Variants in MCM3AP observed in about 807,000 individuals in gnomAD.
MCM3AP encodes germinal-center associated nuclear protein.
Under a neutral mutation model 184.1 loss-of-function variants are expected in MCM3AP, and 126 were observed. The ratio of observed to expected loss-of-function variants is 0.68; its 90% CI spans 0.59 to 0.79. The LOEUF (loss-of-function observed/expected upper bound fraction) is 0.79, where lower values mean the gene tolerates loss of function less well. MCM3AP is among the 30% of genes least tolerant of loss of function. MCM3AP has a pLI of 0.00. For synonymous variants in MCM3AP, 1,002 were observed against 979.3 expected (o/e 1.02, Z -0.43); for missense variants, 2,496 against 2,479.2 (o/e 1.01, Z -0.14).
At chr21:46,267,229 C>G in intron 9 of MCM3AP, 87 bp from the exon 10 acceptor site, 1 of 1,327,950 alleles carries the variant, frequency 7.5e-7, no homozygotes, top group Admixed American at 2.0e-5. Context: ...CCATGGCCAG[C>G]GTGGGGCACA....
chr21:46,236,592 T>C (rs1214490953), intron 27 of MCM3AP, among the ~76,000 whole-genome samples: 2 of 152,220 alleles, frequency 1.3e-5, no homozygotes, highest in Admixed American at 6.5e-5. Flanking sequence ...ACAGGTCTTA[T>C]TCAGTTCTTA....
At chr21:46,256,095 C>A (rs2080944996) in intron 17 of MCM3AP, among the ~76,000 whole-genome samples, 1 of 152,206 alleles carries the variant, frequency 6.6e-6, no homozygotes, top group African/African-American at 2.4e-5. Flanking sequence ...GCCTGCTAGG[C>A]CCTCCAGGCT....
At chr21:46,247,698 A>G (rs540336206) in intron 20 of MCM3AP, 1 of 152,342 alleles carries the variant, frequency 6.6e-6, no homozygotes, top group East Asian at 1.9e-4. Context: ...ATGAGAATAA[A>G]TGCAACAGAA....
chr21:46,266,020 G>A lies in MCM3AP; in HGVS notation c.2936C>T (p.Pro979Leu), dbSNP rs2081107449. Residue 979 changes from proline to leucine, a missense_variant, in exon 11 of 28, where the codon CCT (proline) becomes CTT (leucine). Around this residue, in one of 5 missense-constraint regions of MCM3AP, gnomAD observed 1,323 missense variants for 1,273.4 expected, o/e 1.04. Coordinates refer to ENST00000291688, the MANE Select transcript of MCM3AP (RefSeq NM_003906.5). ...GPLPPVPRHT[P>L]VCSFNSQNKY... Reference sequence around the variant, plus strand: ...GTTCTGGGAGTTGAAGCTGCACACAGGGGTATGACGAGGGACGGGGGGCAA... The same window carrying A: ...GTTCTGGGAGTTGAAGCTGCACACAAGGGTATGACGAGGGACGGGGGGCAA... The A allele has an allele frequency of 2.5e-6, 4 of 1,611,470 alleles. No homozygotes were observed. In the East Asian group the frequency reaches 8.9e-5, roughly 36 times the overall value.
chr21:46,244,246 G>A (rs2080725493), intron 23 of MCM3AP, among the ~76,000 whole-genome samples: 1 of 152,264 alleles, frequency 6.6e-6, no homozygotes, highest in Admixed American at 6.5e-5. Flanking sequence ...GAGTGCATAG[G>A]AAGGAGCAGC....
chr21:46,266,917 C>A, intron 10 of MCM3AP, 65 bp downstream of exon 10: 1 of 1,558,200 alleles, frequency 6.4e-7, no homozygotes, highest in Non-Finnish European at 8.8e-7. Context: ...CCCTTCACAG[C>A]CCTTCATCAG....
chr21:46,284,945 T>G lies in MCM3AP; in HGVS notation c.342A>C (p.Ser114=). 1 of 1,614,120 alleles carries G rather than the reference T, an allele frequency of 6.2e-7. No individual in the cohort carries two copies. Among genetic ancestry groups the G allele is most frequent in the Non-Finnish European group, 8.5e-7 (1 of 1,180,016 alleles). ...VLGNTGFSFK[S]PTSVGAFPST... ...TTGGGAAAGCCCCAACACTGGTGGGTGATTTAAAACTAAATCCTGTGTTTC... is the reference window on the plus strand; with the variant it reads ...TTGGGAAAGCCCCAACACTGGTGGGGGATTTAAAACTAAATCCTGTGTTTC... Residue 114 remains serine, a synonymous_variant, in exon 1 of 28, where the codon TCA becomes TCC. Coordinates refer to ENST00000291688, the MANE Select transcript of MCM3AP (RefSeq NM_003906.5).
intron 19 of MCM3AP, 104 bp downstream of exon 19, chr21:46,254,288 T>C: frequency 8.0e-7 from 1 of 1,252,802 alleles, no homozygotes; most frequent in Non-Finnish European, 1.1e-6. Flanking sequence ...AACCTACACT[T>C]CCGAGTTCCC....
At position 46,284,875 on chromosome 21, in the gene MCM3AP, C is replaced by A; in HGVS notation, c.412G>T (p.Gly138Cys). Residue 138 changes from glycine (G) to cysteine (C), a missense_variant, in exon 1 of 28, where the codon GGT (glycine) becomes TGT (cysteine). Gly to Cys is a radical substitution (Grantham distance 159). Coordinates refer to ENST00000291688, the MANE Select transcript of MCM3AP (RefSeq NM_003906.5). ...GQEAGEIVNS[G>C]FGKTEFSFKP... ...AAGCTGAATTCTGTTTTCCCAAAAC[C>A]AGAGTTCACTATTTCTCCAGCTTCT... is the stretch of plus-strand genomic sequence containing the variant. The A allele has an allele frequency of 2.5e-6, 4 of 1,614,198 alleles. No homozygotes were observed. The highest frequency in any genetic ancestry group is 3.4e-6 in the Non-Finnish European group (4 of 1,180,046).
intron 2 of MCM3AP, among the ~76,000 whole-genome samples, chr21:46,283,008 C>T (rs1045506290): frequency 1.3e-5 from 2 of 151,566 alleles, no homozygotes; most frequent in South Asian, 2.1e-4. Flanking sequence ...TCACTGCAAC[C>T]GCCGCCTCCC....
Position 46,273,416 on chromosome 21 carries a change from A to G in MCM3AP, c.2168T>C (p.Val723Ala). 1 of 1,614,014 alleles carries G rather than the reference A, an allele frequency of 6.2e-7. No homozygotes were observed. The highest frequency in any genetic ancestry group is 8.5e-7 in the Non-Finnish European group (1 of 1,179,878). The change falls in exon 7 of 28, where the codon GTG (valine) becomes GCG (alanine). Residue 723 changes from valine to alanine, a missense_variant. Val to Ala is a moderately conservative substitution (Grantham distance 64). This residue lies in a region of MCM3AP where 130 missense variants were observed against 199.8 expected (regional missense o/e 0.65). Coordinates refer to ENST00000291688, the MANE Select transcript of MCM3AP (RefSeq NM_003906.5). ...EGSLRDWYDF[V>A]WNRTRGIRKD... ...CCGTATGCCACGCGTGCGGTTCCAC[A>G]CGAAGTCATACCAATCCCGCAGGCT...
Position 46,244,811 on chromosome 21 carries a change from C to G in MCM3AP, c.5034G>C (p.Leu1678=), listed in dbSNP as rs1569053966. The G allele has an allele frequency of 6.2e-7, 1 of 1,611,346 alleles. No homozygotes were observed. The highest frequency in any genetic ancestry group is 1.3e-5 in the African/African-American group (1 of 75,024). Residue 1678 remains leucine (L), a synonymous_variant, in exon 23 of 28, where the codon CTG becomes CTC. Transcript: ENST00000291688. ...FQLPQMDLPP[L]GAPWLPVCSM... is the part of the protein sequence containing the mutation. ...CTCCCCAGGTCAAGCACGTACCCCCCAGGGGTGGAAGGTCCATCTGCGGAA... is the reference window on the plus strand; with the variant it reads ...CTCCCCAGGTCAAGCACGTACCCCCGAGGGGTGGAAGGTCCATCTGCGGAA...
intron 2 of MCM3AP, among the ~76,000 whole-genome samples, chr21:46,280,776 T>C (rs2081321688): frequency 6.6e-6 from 1 of 151,906 alleles, no homozygotes; most frequent in South Asian, 2.1e-4. Context: ...TTCATCTCCC[T>C]TACCTGTCTC....
chr21:46,283,860 A>G (rs1264271762), intron 1 of MCM3AP, 22 bp from the exon 2 acceptor site: 2 of 1,595,808 alleles, frequency 1.3e-6, no homozygotes, highest in Non-Finnish European at 1.7e-6. Context: ...GAGAATGGAC[A>G]CTTAAACCAT....
chr21:46,258,962 C>T lies in MCM3AP; in HGVS notation c.3711G>A (p.Gln1237=). 6.2e-7 allele frequency: 1 copy of T among 1,614,132 alleles called. No homozygotes were observed. The highest frequency in any genetic ancestry group is 8.5e-7 in the Non-Finnish European group (1 of 1,180,016). The change falls in exon 16 of 28, where the codon CAG becomes CAA. Residue 1237 remains glutamine (Q), a synonymous_variant. Coordinates refer to ENST00000291688, the MANE Select transcript of MCM3AP (RefSeq NM_003906.5). ...ACCGCTGTAGATACTTGCAGAAGCACTGAAGCTCCTGGAGGGTCTCCTTTG... is the reference window on the plus strand; with the variant it reads ...ACCGCTGTAGATACTTGCAGAAGCATTGAAGCTCCTGGAGGGTCTCCTTTG... ...QTAKETLQEL[Q]CFCKYLQRWR... is the part of the protein sequence containing the mutation.
At position 46,285,225 on chromosome 21, in the gene MCM3AP, T is replaced by C. The variant is rs756334805; in HGVS notation, c.62A>G (p.Asn21Ser). The C allele has an allele frequency of 6.2e-7, 1 of 1,614,212 alleles. No individual in the cohort carries two copies. Among genetic ancestry groups the C allele is most frequent in the Non-Finnish European group, 8.5e-7 (1 of 1,180,016 alleles). ...QPSAFSASSS[N>S]VGTLPSKPPF... is the part of the protein sequence containing the mutation. ...CGGCTTAGATGGAAGTGTTCCTACA[T>C]TACTAGAAGACGCCGAAAAAGCACT... Residue 21 changes from asparagine to serine, a missense_variant, in exon 1 of 28, where the codon AAT becomes AGT. Physicochemically the swap from Asn to Ser is conservative, Grantham distance 46. This residue lies in a region of MCM3AP where 800 missense variants were observed against 717.1 expected (regional missense o/e 1.12). Coordinates refer to ENST00000291688, the MANE Select transcript of MCM3AP (RefSeq NM_003906.5).
rs775075712 is a variant in MCM3AP, at chr21:46,240,939, C to T, written c.5505G>A (p.Arg1835=). Reference sequence around the variant, plus strand: ...TCCCCTCTTGAGCACACTCTGTGCTCCTCTTCCAGTTACGGTGCATGTGAA... The same window carrying T: ...TCCCCTCTTGAGCACACTCTGTGCTTCTCTTCCAGTTACGGTGCATGTGAA... ...PLLHMHRNWK[R]STECAQEGRI... is the part of the protein sequence containing the mutation. Residue 1835 remains arginine, a synonymous_variant, in exon 26 of 28, where the codon AGG becomes AGA. Coordinates refer to ENST00000291688, the MANE Select transcript of MCM3AP (RefSeq NM_003906.5). 1 of 1,614,218 alleles carries T rather than the reference C, an allele frequency of 6.2e-7. No homozygotes were observed. The highest frequency in any genetic ancestry group is 2.2e-5 in the East Asian group (1 of 44,888).
At position 46,245,216 on chromosome 21, in the gene MCM3AP, CTTGG is replaced by C. The variant is rs757983191; in HGVS notation, c.4648-23_4648-20del. On this transcript the variant is annotated intron_variant, in intron 22 of 27. Transcript: ENST00000291688. ...GCAAAACCTGAGAAGAAAGAAGAGA[CTTGG>C]TTGAACAATTCACACTGTTTTTCAA... 7 of 1,581,404 alleles carry C rather than the reference CTTGG, an allele frequency of 4.4e-6. No individual in the cohort carries two copies. The highest frequency in any genetic ancestry group is 3.4e-4 in the Middle Eastern group (2 of 5,856).
intron 4 of MCM3AP, among the ~76,000 whole-genome samples, chr21:46,278,696 T>C (rs1294902724): frequency 2.0e-5 from 3 of 151,568 alleles, no homozygotes; most frequent in Non-Finnish European, 4.4e-5. Flanking sequence ...TTTTTTGAGA[T>C]GGGGTCTCGC....
Sources: allele counts gnomAD v4.1 joint callset (sites outside exome capture counted in the v4.1 genomes callset), GRCh38; gene constraint gnomAD v4.1.1; regional missense constraint gnomAD v4.1.1; transcripts MANE v1.5; gene names NCBI Gene and HGNC (gene_info 2026-07-23, HGNC 2026-07-21).